Variants in PPME1 observed in about 807,000 individuals in gnomAD.
The protein encoded by PPME1 is testicular secretory protein Li 39.
Under a neutral mutation model 56.9 loss-of-function variants are expected in PPME1, and 17 were observed. The ratio of observed to expected loss-of-function variants is 0.30; its 90% CI spans 0.20 to 0.45. The LOEUF (loss-of-function observed/expected upper bound fraction) is 0.45. Ranked by LOEUF, PPME1 falls within the 20% of genes least tolerant of loss-of-function variation. The pLI is 1.00. For synonymous variants in PPME1, 122 were observed against 156.2 expected, an observed-to-expected ratio of 0.78 and a Z score of 1.63; for missense variants, 357 against 483.2, an observed-to-expected ratio of 0.74 and a Z score of 2.45.
At chr11:74,183,006 A>G (rs533327024) in intron 1 of PPME1, among the ~76,000 whole-genome samples, 2 of 151,936 alleles carry the variant, frequency 1.3e-5, no homozygotes, top group Admixed American at 6.6e-5. Context: ...AAAAAAAAAA[A>G]AAAAGTACGG....
At chr11:74,174,320 T>G (rs1857356560) in intron 1 of PPME1, among the ~76,000 whole-genome samples, 1 of 152,252 alleles carries the variant, frequency 6.6e-6, no homozygotes, top group Admixed American at 6.5e-5. Context: ...GGAGTCATAA[T>G]TGTCATCTGG....
intron 8 of PPME1, 172 bp downstream of exon 8, chr11:74,236,138 GCCTTCCTTTCTCT>G: frequency 9.0e-7 from 1 of 1,110,842 alleles, no homozygotes; most frequent in Non-Finnish European, 1.2e-6. Flanking sequence ...TCTTTCGCCT[GCCTTCCTTTCTCT>G]CCTTCCTTTC....
intron 9 of PPME1, among the ~76,000 whole-genome samples, chr11:74,242,777 G>A (rs980264723): frequency 1.1e-4 from 16 of 151,050 alleles, no homozygotes; most frequent in African/African-American, 3.9e-4. Context: ...TACTCGGGAG[G>A]CTGAGGCAGG....
At chr11:74,176,220 T>G (rs899674145) in intron 1 of PPME1, among the ~76,000 whole-genome samples, 3 of 152,220 alleles carry the variant, frequency 2.0e-5, no homozygotes, top group African/African-American at 7.2e-5. Flanking sequence ...CAGTTTCTTA[T>G]GTTATCAGCT....
intron 3 of PPME1, among the ~76,000 whole-genome samples, chr11:74,215,683 C>CT (rs1157552311): frequency 2.6e-5 from 4 of 152,160 alleles, no homozygotes; most frequent in African/African-American, 9.6e-5. Context: ...TGTAAATAGA[C>CT]TAAACTCGCC....
intron 4 of PPME1, among the ~76,000 whole-genome samples, chr11:74,223,686 A>G (rs1264148049): frequency 9.0e-6 from 1 of 110,646 alleles, no homozygotes; most frequent in Non-Finnish European, 1.8e-5. Context: ...CATTTCTCTG[A>G]TGGCCAGTGA....
chr11:74,241,502 A>G (rs891299847), intron 9 of PPME1, among the ~76,000 whole-genome samples: 4 of 152,138 alleles, frequency 2.6e-5, no homozygotes, highest in African/African-American at 9.7e-5. Flanking sequence ...TCTTGGGTAC[A>G]CAGCTGGGAG....
chr11:74,181,386 G>C (rs1005123704), intron 1 of PPME1, among the ~76,000 whole-genome samples: 4 of 152,122 alleles, frequency 2.6e-5, no homozygotes, highest in Non-Finnish European at 5.9e-5. Flanking sequence ...AACTCATGAA[G>C]CACTTTCAGA....
intron 3 of PPME1, among the ~76,000 whole-genome samples, chr11:74,208,312 A>AG (rs894836741): frequency 1.4e-5 from 2 of 144,668 alleles, no homozygotes; most frequent in African/African-American, 5.6e-5. Context: ...CTCTGTCTCA[A>AG]GAAAAAAAAA....
intron 1 of PPME1, among the ~76,000 whole-genome samples, chr11:74,175,599 T>A (rs1857383513): frequency 6.6e-6 from 1 of 152,104 alleles, no homozygotes; most frequent in Admixed American, 6.5e-5. Context: ...CAGGCTGAAG[T>A]ACAGTGGCTT....
intron 1 of PPME1, among the ~76,000 whole-genome samples, chr11:74,186,861 T>C (rs1306190453): frequency 6.6e-6 from 1 of 152,210 alleles, no homozygotes; most frequent in African/African-American, 2.4e-5. Flanking sequence ...AGTTTTCTTC[T>C]AAGAGTTTTC....
Position 74,183,393 on chromosome 11 carries a change from A to G in PPME1, c.101+11871A>G, listed in dbSNP as rs368420620. ...AGTTATATGAAACATTCCATCACCAATGTTCTTGTGAGGCACAGAAAACTA... is the reference window on the plus strand; with the variant it reads ...AGTTATATGAAACATTCCATCACCAGTGTTCTTGTGAGGCACAGAAAACTA... On this transcript the variant is annotated intron_variant, in intron 1 of 13. Transcript: ENST00000328257. Among the ~76,000 whole-genome samples the G allele has an allele frequency of 3.4e-4, 52 of 152,342 alleles. No homozygotes were observed. In the South Asian group the frequency reaches 0.01, roughly 30 times the overall value.
At chr11:74,235,988 T>C (rs749212483) in intron 8 of PPME1, 22 bp downstream of exon 8, 19 of 1,609,048 alleles carry the variant, frequency 1.2e-5, no homozygotes, top group Non-Finnish European at 1.5e-5. Flanking sequence ...TCTTCCCCCT[T>C]GGTCTGGTTA....
Position 74,242,231 on chromosome 11 carries a change from G to C in PPME1, c.834+2975G>C, listed in dbSNP as rs987151570. ...TGTCCCAGCTCCATTTATTGAAAAGGCTCCTTTTTCCCCATTTAATTGTCT... is the reference window on the plus strand; with the variant it reads ...TGTCCCAGCTCCATTTATTGAAAAGCCTCCTTTTTCCCCATTTAATTGTCT... On this transcript the variant is annotated intron_variant, in intron 9 of 13. Transcript: ENST00000328257. Among the ~76,000 whole-genome samples the C allele has an allele frequency of 7.2e-5, 11 of 152,098 alleles. No individual in the cohort carries two copies. The South Asian group carries it at 1.0e-3, about 14-fold the overall frequency.
intron 12 of PPME1, chr11:74,251,368 C>T (rs1427363498): frequency 7.4e-5 from 101 of 1,357,902 alleles, no homozygotes; most frequent in Admixed American, 3.2e-5. Context: ...TTAATATGGG[C>T]TCCTCCTGTG....
intron 1 of PPME1, among the ~76,000 whole-genome samples, chr11:74,190,248 TCAC>T (rs2135601826): frequency 6.6e-6 from 1 of 152,290 alleles, no homozygotes; most frequent in Non-Finnish European, 1.5e-5. Context: ...TGAAATGTAA[TCAC>T]CAATGCTGGA....
intron 1 of PPME1, among the ~76,000 whole-genome samples, chr11:74,202,667 C>T (rs538940572): frequency 1.3e-5 from 2 of 152,212 alleles, no homozygotes; most frequent in South Asian, 4.1e-4. Flanking sequence ...GAATTTCTTT[C>T]TTGTATTCCA....
chr11:74,211,546 A>G (rs976832432), intron 3 of PPME1, among the ~76,000 whole-genome samples: 1 of 152,220 alleles, frequency 6.6e-6, no homozygotes, highest in Admixed American at 6.5e-5. Flanking sequence ...AAATTCAGAT[A>G]CGACCTTAAA....
intron 3 of PPME1, among the ~76,000 whole-genome samples, chr11:74,217,393 T>A (rs1224540728): frequency 1.3e-5 from 2 of 151,560 alleles, no homozygotes; most frequent in Non-Finnish European, 2.9e-5. Flanking sequence ...AATACAAAAA[T>A]TAGCCAGACA....
Sources: allele counts gnomAD v4.1 joint callset (sites outside exome capture counted in the v4.1 genomes callset), GRCh38; gene constraint gnomAD v4.1.1; transcripts MANE v1.5; gene names NCBI Gene and HGNC (gene_info 2026-07-23, HGNC 2026-07-21).